Variants in TAB2 observed in about 807,000 individuals in gnomAD.
TAB2 encodes TGF-beta activated kinase 1 (MAP3K7) binding protein 2, also known as TGF-beta-activated kinase 1 and MAP3K7-binding protein 2.
In TAB2, 3 loss-of-function variants were observed where a neutral mutation model predicts 65.0. The ratio of observed to expected loss-of-function variants is 0.05; its 90% CI spans 0.02 to 0.12. The LOEUF is 0.12. Among genes scored for constraint, TAB2 ranks in the 10% least tolerant of loss-of-function variants. The pLI is 1.00. For synonymous variants in TAB2, 298 were observed against 285.1 expected (o/e 1.05, Z -0.46); for missense variants, 623 against 840.3 (o/e 0.74, Z 3.20).
At chr6:149,343,108 A>G (rs1562424426) in intron 1 of TAB2, among the ~76,000 whole-genome samples, 1 of 152,142 alleles carries the variant, frequency 6.6e-6, no homozygotes, top group Non-Finnish European at 1.5e-5. Context: ...GTATAAACAT[A>G]CCAAAAAAAA....
intron 1 of TAB2, among the ~76,000 whole-genome samples, chr6:149,283,200 G>C (rs1162026815): frequency 2.0e-5 from 3 of 152,296 alleles, no homozygotes; most frequent in Admixed American, 2.0e-4. Context: ...GCTTAATGCT[G>C]AGTGAGTGTA....
chr6:149,235,078 A>C (rs1777471849), intron 1 of TAB2, among the ~76,000 whole-genome samples: 1 of 152,216 alleles, frequency 6.6e-6, no homozygotes, highest in South Asian at 2.1e-4. Context: ...CCAGCTTTTT[A>C]AGTGTGCGCT....
intron 1 of TAB2, among the ~76,000 whole-genome samples, chr6:149,265,394 T>C (rs538404278): frequency 6.6e-6 from 1 of 152,352 alleles, no homozygotes; most frequent in East Asian, 1.9e-4. Flanking sequence ...TCACTGTTAA[T>C]GAGACTGCTT....
chr6:149,376,892 C>T (rs554096187), intron 2 of TAB2, among the ~76,000 whole-genome samples: 1 of 150,274 alleles, frequency 6.7e-6, no homozygotes, highest in African/African-American at 2.4e-5. Flanking sequence ...AGGTTCCCCC[C>T]CCCCACTCTG....
chr6:149,322,122 C>G (rs895945485), intron 1 of TAB2, among the ~76,000 whole-genome samples: 1 of 152,054 alleles, frequency 6.6e-6, no homozygotes, highest in African/African-American at 2.4e-5. Flanking sequence ...TTATTGAGCA[C>G]TTATTATGTG....
At chr6:149,315,286 AATT>A (rs1414302767), upstream of TAB2, among the ~76,000 whole-genome samples, 1 of 152,210 alleles carries the variant, frequency 6.6e-6, no homozygotes, top group Admixed American at 6.5e-5. Flanking sequence ...CGGATTCACC[AATT>A]TTTAATTGTT....
In TAB2 at chr6:149,239,826, G is replaced by T. The variant is rs115280125; in HGVS notation, c.-121+21050G>T. Among the ~76,000 whole-genome samples the T allele has an allele frequency of 7.4e-3, 1,124 of 152,310 alleles. 10 individuals are homozygous for T. Among genetic ancestry groups the T allele is most frequent in the African/African-American group, 0.019 (777 of 41,566 alleles). ...GACACAACACTGAACACAGCCGAGG[G>T]ATATTCTGTCTTCGCAGAGATGATA... On this transcript the variant is annotated intron_variant, in intron 1 of 1. Coordinates refer to the TAB2 transcript ENST00000606202.
chr6:149,250,572 C>T (rs751444467), intron 1 of TAB2, among the ~76,000 whole-genome samples: 14 of 152,196 alleles, frequency 9.2e-5, no homozygotes, highest in Non-Finnish European at 1.6e-4. Flanking sequence ...TCCCAAAGTG[C>T]TGAAACTGCA....
chr6:149,239,293 G>A (rs1777554326), intron 1 of TAB2, among the ~76,000 whole-genome samples: 1 of 152,190 alleles, frequency 6.6e-6, no homozygotes, highest in Non-Finnish European at 1.5e-5. Flanking sequence ...TTTAAACCTG[G>A]CCTGGAGTTG....
At chr6:149,399,401 C>T (rs1259099581) in intron 6 of TAB2, among the ~76,000 whole-genome samples, 1 of 151,916 alleles carries the variant, frequency 6.6e-6, no homozygotes, top group African/African-American at 2.4e-5. Flanking sequence ...GTAATATGCA[C>T]GAGCTTAGGA....
intron 1 of TAB2, among the ~76,000 whole-genome samples, chr6:149,269,160 G>GCATAATA (rs1454586983): frequency 2.6e-5 from 4 of 152,124 alleles, no homozygotes; most frequent in Non-Finnish European, 5.9e-5. Flanking sequence ...TGAGTCTGAG[G>GCATAATA]CATAATACCT....
intron 1 of TAB2, among the ~76,000 whole-genome samples, chr6:149,248,452 A>AAGGAAGGAAGGAAGGAAGG (rs1562387099): frequency 2.2e-4 from 12 of 54,752 alleles, no homozygotes; most frequent in African/African-American, 6.4e-4. Flanking sequence ...AGGAAGGAAG[A>AAGGAAGGAAGGAAGGAAGG]AAAGAAGGAA....
chr6:149,342,856 A>C (rs1023240427), intron 1 of TAB2: 2 of 152,216 alleles, frequency 1.3e-5, no homozygotes, highest in Non-Finnish European at 2.9e-5. Flanking sequence ...CCATGGCACC[A>C]GTCAAGCTTA....
At position 149,377,966 on chromosome 6, in the gene TAB2, T is replaced by C. The variant is rs1158883943; in HGVS notation, c.103-52T>C. 11 of 1,395,778 alleles carry C rather than the reference T, an allele frequency of 7.9e-6. No individual in the cohort carries two copies. The Admixed American group carries it at 8.6e-5, about 11-fold the overall frequency. 86.5% of individuals were successfully genotyped at this position (1,395,778 alleles called of 1,614,324 possible). On this transcript the variant is annotated intron_variant, in intron 2 of 6. Coordinates refer to ENST00000637181, the MANE Select transcript of TAB2 (RefSeq NM_001292034.3). ...TCATGTATTTGTAGAGATGCAAATATAAGCATTCGCTTCTGATTGTTAACA... is the reference window on the plus strand; with the variant it reads ...TCATGTATTTGTAGAGATGCAAATACAAGCATTCGCTTCTGATTGTTAACA...
chr6:149,409,797 TG>T lies in TAB2; in HGVS notation c.*79del. The T allele has an allele frequency of 4.6e-6, 7 of 1,536,218 alleles. No homozygotes were observed. The highest frequency in any genetic ancestry group is 6.3e-6 in the Non-Finnish European group (7 of 1,111,558). On this transcript the variant is annotated 3_prime_UTR_variant, in exon 7 of 7. Transcript: ENST00000637181. Reference sequence around the variant, plus strand: ...GTCTGTCATCGGGAAAAAGTTTCACTGCTACATAGGATTTTGTCAAATTGAA... The same window carrying T: ...GTCTGTCATCGGGAAAAAGTTTCACTCTACATAGGATTTTGTCAAATTGAA...
intron 1 of TAB2, among the ~76,000 whole-genome samples, chr6:149,238,382 C>T (rs535069115): frequency 1.3e-5 from 2 of 152,142 alleles, no homozygotes; most frequent in Admixed American, 6.5e-5. Context: ...AGAGGAGACA[C>T]AGGGTGGGCT....
intron 6 of TAB2, 64 bp downstream of exon 6, chr6:149,399,248 C>T: frequency 2.3e-6 from 3 of 1,322,556 alleles, no homozygotes; most frequent in Admixed American, 1.8e-5. Context: ...GAAAATTTTT[C>T]CTGTTCAGCA....
At chr6:149,384,906 C>G (rs1232962606) in intron 3 of TAB2, among the ~76,000 whole-genome samples, 1 of 152,138 alleles carries the variant, frequency 6.6e-6, no homozygotes, top group Non-Finnish European at 1.5e-5. Context: ...AATTTCCACA[C>G]AACTCCATCT....
At chr6:149,400,412 A>G in intron 6 of TAB2, 2 of 1,614,202 alleles carry the variant, frequency 1.2e-6, no homozygotes, top group Non-Finnish European at 8.5e-7. Flanking sequence ...AAAAGCCCAC[A>G]GAAGAAGTCA....
Sources: gnomAD v4.1 joint callset for allele counts (sites outside exome capture counted in the v4.1 genomes callset) on GRCh38, gnomAD v4.1.1 for gene constraint, MANE v1.5 for transcripts, NCBI Gene and HGNC (gene_info 2026-07-23, HGNC 2026-07-21) for gene names.